KCNQ2: variants seen among roughly 807,000 people sequenced by gnomAD.
The protein encoded by KCNQ2 is potassium voltage-gated channel subfamily Q member 2, also known as potassium voltage-gated channel subfamily KQT member 2.
KCNQ2 carries 14 observed loss-of-function variants against 84.8 expected under a neutral mutation model. The ratio of observed to expected loss-of-function variants is 0.17; its 90% confidence interval spans 0.11 to 0.26. The LOEUF is 0.26. Among genes scored for constraint, KCNQ2 ranks in the 10% least tolerant of loss-of-function variants. The pLI, the probability that KCNQ2 is intolerant of heterozygous loss-of-function variation, is 1.00. For missense variants in KCNQ2, 788 were observed against 1,254.0 expected, an observed-to-expected ratio of 0.63 and a Z score of 5.61; for synonymous variants, 599 against 554.1, an observed-to-expected ratio of 1.08 and a Z score of -1.14.
intron 1 of KCNQ2, among the ~76,000 whole-genome samples, chr20:63,457,874 C>T (rs2145851149): frequency 6.6e-6 from 1 of 152,282 alleles, no homozygotes; most frequent in South Asian, 2.1e-4. Flanking sequence ...CCCGCTGGCT[C>T]AGCACGTGGT....
chr20:63,418,768 C>T (rs965705804), intron 12 of KCNQ2, among the ~76,000 whole-genome samples: 1 of 152,252 alleles, frequency 6.6e-6, no homozygotes, highest in Admixed American at 6.5e-5. Context: ...CAGAAGCACA[C>T]AAGCAGCAAA....
chr20:63,462,589 G>T (rs1430230179), intron 1 of KCNQ2, among the ~76,000 whole-genome samples: 1 of 152,252 alleles, frequency 6.6e-6, no homozygotes, highest in African/African-American at 2.4e-5. Context: ...GACAGGAAAA[G>T]TGAGTGTTAA....
At position 63,446,665 on chromosome 20, in the gene KCNQ2, T is replaced by C; in HGVS notation, c.387+82A>G. 2 of 1,188,348 alleles carry C rather than the reference T, an allele frequency of 1.7e-6. No individual in the cohort carries two copies. Among genetic ancestry groups the C allele is most frequent in the South Asian group, 1.2e-5 (1 of 82,000 alleles). 73.6% of individuals were successfully genotyped at this position (1,188,348 alleles called of 1,614,324 possible). ...GCTGGGGGCGTCAGAGGCCCTGTAGTAACAGGAACGGAAGACAGACGCCCA... is the reference window on the plus strand; with the variant it reads ...GCTGGGGGCGTCAGAGGCCCTGTAGCAACAGGAACGGAAGACAGACGCCCA... On this transcript the variant is annotated intron_variant, in intron 2 of 16. Coordinates refer to ENST00000359125, the MANE Select transcript of KCNQ2 (RefSeq NM_172107.4). This position sits in a 1 kb window ranked among gnomAD's most constrained non-coding sequence, Gnocchi z 5.5.
chr20:63,405,600 G>A lies in KCNQ2; in HGVS notation c.*1044C>T, dbSNP rs1489666561. On this transcript the variant is annotated 3_prime_UTR_variant, in exon 17 of 17. Transcript: ENST00000359125. ...AGGCTATCCTGGCCCGCTGCATCATGGCCCAGCCCTGCCCCAGGTCTGTCG... is the reference window on the plus strand; with the variant it reads ...AGGCTATCCTGGCCCGCTGCATCATAGCCCAGCCCTGCCCCAGGTCTGTCG... 6.6e-6 allele frequency: 1 copy of A among 152,190 alleles called. No individual in the cohort carries two copies. The highest frequency in any genetic ancestry group is 2.4e-5 in the African/African-American group (1 of 41,400). 9.4% of individuals were successfully genotyped at this position (152,190 alleles called of 1,614,324 possible). A position where few individuals can be genotyped will look rare whatever the true frequency, so the allele number is the denominator to read the frequency against.
Position 63,414,124 on chromosome 20 carries a change from A to G in KCNQ2, c.1595T>C (p.Leu532Pro), listed in dbSNP as rs2080211129. ...SCPCEFVTED[L>P]TPGLKVSIRA... ...GATGCTGACTTTGAGGCCCGGGGTC[A>G]GGTCCTCGGTCACAAACTCGCAGGG... is the stretch of plus-strand genomic sequence containing the variant. Residue 532 changes from leucine (L) to proline (P), a missense_variant, in exon 14 of 17, where the codon CTG (leucine) becomes CCG (proline). By Grantham distance (98) the Leu-to-Pro change is moderately conservative. Around this residue, in one of 8 missense-constraint regions of KCNQ2, gnomAD observed 202 missense variants for 239.4 expected, o/e 0.84. Coordinates refer to ENST00000359125, the MANE Select transcript of KCNQ2 (RefSeq NM_172107.4). The surrounding 1 kb of genome is among the most constrained non-coding windows in gnomAD (Gnocchi z 6.6). The G allele has an allele frequency of 6.2e-7, 1 of 1,613,544 alleles. No homozygotes were observed. Among genetic ancestry groups the G allele is most frequent in the Admixed American group, 1.7e-5 (1 of 60,008 alleles).
chr20:63,407,163 GTTC>G lies in KCNQ2; in HGVS notation c.2097_2099del (p.Lys699del), dbSNP rs777593960. The G allele has an allele frequency of 2.5e-6, 4 of 1,600,358 alleles. No homozygotes were observed. The highest frequency in any genetic ancestry group is 1.3e-5 in the African/African-American group (1 of 74,868). On this transcript the variant is annotated inframe_deletion, in exon 17 of 17. Transcript: ENST00000359125. This position sits in a 1 kb window ranked among gnomAD's most constrained non-coding sequence, Gnocchi z 7.2. Reference sequence around the variant, plus strand: ...GGGGCGCGGCCGGGGGCGCCGAGAAGTTCTTCTGGCCCGTGGAGCTGCTGGAGC... The same window carrying G: ...GGGGCGCGGCCGGGGGCGCCGAGAAGTTCTGGCCCGTGGAGCTGCTGGAGC...
At chr20:63,448,995 C>G (rs1209901328) in intron 1 of KCNQ2, 1 of 152,242 alleles carries the variant, frequency 6.6e-6, no homozygotes, top group Non-Finnish European at 1.5e-5. Context: ...CAACCACGGC[C>G]AGCGAGTGGT....
chr20:63,407,525 G>T lies in KCNQ2; in HGVS notation c.1888-150C>A, dbSNP rs1286084388. ...CCCAGGAAACGGGGGACCCAGGCTA[G>T]TCCCAGGAGATGTGGGGACCCGGGC... On this transcript the variant is annotated intron_variant, in intron 16 of 16. Coordinates refer to ENST00000359125, the MANE Select transcript of KCNQ2 (RefSeq NM_172107.4). This position sits in a 1 kb window ranked among gnomAD's most constrained non-coding sequence, Gnocchi z 7.2. 1.2e-6 allele frequency: 1 copy of T among 820,374 alleles called. No homozygotes were observed. Among genetic ancestry groups the T allele is most frequent in the Non-Finnish European group, 1.9e-6 (1 of 534,928 alleles). The allele number at this position is 820,374 out of a possible 1,614,324, so 50.8% of individuals were successfully genotyped here. A position where few individuals can be genotyped will look rare whatever the true frequency, so the allele number is the denominator to read the frequency against.
rs2081693904 is a variant in KCNQ2, at chr20:63,453,917, C to T, written c.297-7080G>A. ...AGCCCCACAGACTTGAATTCTGAGTCCTCAGTGCCGCATCCAGGAAGGCAG... is the reference window on the plus strand; with the variant it reads ...AGCCCCACAGACTTGAATTCTGAGTTCTCAGTGCCGCATCCAGGAAGGCAG... On this transcript the variant is annotated intron_variant, in intron 1 of 16. Coordinates refer to ENST00000359125, the MANE Select transcript of KCNQ2 (RefSeq NM_172107.4). Among the ~76,000 whole-genome samples, 3 of 152,042 alleles carry T rather than the reference C, an allele frequency of 2.0e-5. No homozygotes were observed. The South Asian group carries it at 6.2e-4, about 32-fold the overall frequency.
chr20:63,457,867 G>A (rs576841556), intron 1 of KCNQ2, among the ~76,000 whole-genome samples: 1 of 152,152 alleles, frequency 6.6e-6, no homozygotes, highest in Admixed American at 6.5e-5. Context: ...CAGGAAACCC[G>A]CTGGCTCAGC....
intron 1 of KCNQ2, among the ~76,000 whole-genome samples, chr20:63,454,169 G>C (rs867071263): frequency 1.3e-5 from 2 of 152,264 alleles, no homozygotes; most frequent in South Asian, 4.1e-4. Context: ...GAATCTCGCA[G>C]CCAGGCCCTC....
intron 8 of KCNQ2, among the ~76,000 whole-genome samples, chr20:63,432,459 T>C (rs1380974223): frequency 1.7e-4 from 16 of 92,476 alleles, no homozygotes; most frequent in East Asian, 3.4e-4. Context: ...CAGGGAAGGC[T>C]CCACCCACAG....
At chr20:63,409,298 AGT>A (rs2080041992) in intron 15 of KCNQ2, among the ~76,000 whole-genome samples, 1 of 152,172 alleles carries the variant, frequency 6.6e-6, no homozygotes, top group East Asian at 1.9e-4. Flanking sequence ...TGTGTGCAAG[AGT>A]GTGCACGTTT....
chr20:63,465,577 G>A lies in KCNQ2; in HGVS notation c.296+6591C>T, dbSNP rs189268194. On this transcript the variant is annotated intron_variant, in intron 1 of 16. Coordinates refer to ENST00000359125, the MANE Select transcript of KCNQ2 (RefSeq NM_172107.4). ...AAGCTCGGCACACGGGCTGGTGAGCGTAGGGGTCGCACGCAGGGGCCAGCG... is the reference window on the plus strand; with the variant it reads ...AAGCTCGGCACACGGGCTGGTGAGCATAGGGGTCGCACGCAGGGGCCAGCG... Among the ~76,000 whole-genome samples the A allele has an allele frequency of 2.9e-3, 447 of 152,320 alleles. 3 individuals are homozygous for A. The highest frequency in any genetic ancestry group is 0.01 in the African/African-American group (428 of 41,570).
Position 63,446,927 on chromosome 20 carries a change from A to G in KCNQ2, c.297-90T>C. 1 of 1,108,878 alleles carries G rather than the reference A, an allele frequency of 9.0e-7. No homozygotes were observed. 68.7% of individuals were successfully genotyped at this position (1,108,878 alleles called of 1,614,324 possible). On this transcript the variant is annotated intron_variant, in intron 1 of 16. Coordinates refer to ENST00000359125, the MANE Select transcript of KCNQ2 (RefSeq NM_172107.4). This position sits in a 1 kb window ranked among gnomAD's most constrained non-coding sequence, Gnocchi z 5.5. ...AGAACTCAGGACCCCACTCCCCACC[A>G]GGCCGCAGCAGGGCACCAGCATGGC...
In KCNQ2 at chr20:63,406,757, C is replaced by G; in HGVS notation, c.2506G>C (p.Glu836Gln). ...TCGGAGTCGGTGTCTGACTCTCCCT[C>G]CGCAATGTAGGGCCTGACTTTGGCA... ...PCAKVRPYIA[E>Q]GESDTDSDLC... is the part of the protein sequence containing the mutation. Residue 836 changes from glutamate to glutamine, a missense_variant, in exon 17 of 17, where the codon GAG becomes CAG. Around this residue, in one of 8 missense-constraint regions of KCNQ2, gnomAD observed 378 missense variants for 434.5 expected, o/e 0.87. Coordinates refer to ENST00000359125, the MANE Select transcript of KCNQ2 (RefSeq NM_172107.4). 1 of 1,612,320 alleles carries G rather than the reference C, an allele frequency of 6.2e-7. No homozygotes were observed. Among genetic ancestry groups the G allele is most frequent in the Non-Finnish European group, 8.5e-7 (1 of 1,179,766 alleles).
chr20:63,446,975 C>T lies in KCNQ2; in HGVS notation c.297-138G>A, dbSNP rs1022988352. On this transcript the variant is annotated intron_variant, in intron 1 of 16. Coordinates refer to ENST00000359125, the MANE Select transcript of KCNQ2 (RefSeq NM_172107.4). The surrounding 1 kb of genome is among the most constrained non-coding windows in gnomAD (Gnocchi z 5.5). ...GGCCGCGTCTCCAGAACGCAGGACC[C>T]CACTCCCCACCCACCCCACCAGAGC... 3 of 758,254 alleles carry T rather than the reference C, an allele frequency of 4.0e-6. No homozygotes were observed. In the African/African-American group the frequency reaches 5.2e-5, roughly 13 times the overall value. 47.0% of individuals were successfully genotyped at this position (758,254 alleles called of 1,614,324 possible).
chr20:63,451,256 G>T (rs77600316), intron 1 of KCNQ2, among the ~76,000 whole-genome samples: 1 of 151,992 alleles, frequency 6.6e-6, no homozygotes, highest in South Asian at 2.1e-4. Flanking sequence ...TGTCTTCACC[G>T]CCGCTGTCTC....
At chr20:63,469,706 C>T (rs1056421425) in intron 1 of KCNQ2, among the ~76,000 whole-genome samples, 1 of 152,272 alleles carries the variant, frequency 6.6e-6, no homozygotes, top group Non-Finnish European at 1.5e-5. Flanking sequence ...GCCTTCCCCC[C>T]ACTCCCGGCT....
Sources: gnomAD v4.1 joint callset for allele counts (sites outside exome capture counted in the v4.1 genomes callset) on GRCh38, gnomAD v4.1.1 for gene constraint, gnomAD v4.1.1 regional missense constraint, Gnocchi (gnomAD v3.1) non-coding constraint, MANE v1.5 for transcripts, NCBI Gene and HGNC (gene_info 2026-07-23, HGNC 2026-07-21) for gene names.